The following CSMD3 variants were observed in gnomAD, a reference collection of about 807,000 sequenced individuals.
The protein encoded by CSMD3 is CUB and sushi domain-containing protein 3.
A neutral mutation model predicts 435.2 loss-of-function variants in CSMD3; 177 were observed. That is an observed-to-expected ratio of 0.41 (90% CI 0.36 to 0.46). CSMD3 has a LOEUF of 0.46. Among genes scored for constraint, CSMD3 ranks in the 20% least tolerant of loss-of-function variants. The pLI is 0.34. For synonymous variants in CSMD3, 1,656 were observed against 1,520.5 expected (o/e 1.09, Z -2.07); for missense variants, 4,265 against 4,504.6 (o/e 0.95, Z 1.52).
Position 113,086,095 on chromosome 8 carries a change from A to C in CSMD3, c.917+12661T>G, listed in dbSNP as rs530668948. The stretch of plus-strand genomic sequence containing the variant: ...TACTAAAAATAAACACACACACACA[A>C]AAATTAGCCAGGCGTGGGTGGCGGG... On this transcript the variant is annotated intron_variant, in intron 5 of 70. Transcript: ENST00000297405. Among the ~76,000 whole-genome samples, 933 of 151,970 alleles carry C rather than the reference A, an allele frequency of 6.1e-3. 6 individuals are homozygous for C. Among genetic ancestry groups the C allele is most frequent in the African/African-American group, 0.019 (798 of 41,414 alleles).
At position 112,409,028 on chromosome 8, in the gene CSMD3, C is replaced by T; in HGVS notation, c.5400G>A (p.Val1800=). 1 of 1,613,322 alleles carries T rather than the reference C, an allele frequency of 6.2e-7. No individual in the cohort carries two copies. Among genetic ancestry groups the T allele is most frequent in the Non-Finnish European group, 8.5e-7 (1 of 1,179,548 alleles). The change falls in exon 33 of 71, where the codon GTG becomes GTA. Residue 1800 remains valine, a synonymous_variant. Coordinates refer to ENST00000297405, the MANE Select transcript of CSMD3 (RefSeq NM_198123.2). ...YSIAVPKEFV[V]FGQFVFFQTS... ...TCTGGAAAAATACAAACTGGCCAAA[C>T]ACCACTGATCAACAGGAACCCGGAG...
intron 53 of CSMD3, among the ~76,000 whole-genome samples, chr8:112,299,486 G>A (rs188519880): frequency 2.2e-4 from 33 of 152,092 alleles, no homozygotes; most frequent in African/African-American, 7.9e-4. Flanking sequence ...TAAATTAATG[G>A]ATTGATGGAG....
chr8:113,297,803 T>C (rs550294590), intron 2 of CSMD3, among the ~76,000 whole-genome samples: 8 of 152,254 alleles, frequency 5.3e-5, no homozygotes, highest in Middle Eastern at 3.4e-3. Flanking sequence ...CAAACAACTA[T>C]AGACGTTTTA....
At chr8:113,257,594 A>T (rs570313772) in intron 3 of CSMD3, among the ~76,000 whole-genome samples, 1 of 152,132 alleles carries the variant, frequency 6.6e-6, no homozygotes, top group Non-Finnish European at 1.5e-5. Context: ...TATCCTTTAT[A>T]GGAAAGGAGA....
At chr8:112,473,459 AAAG>A (rs1389972908) in intron 31 of CSMD3, among the ~76,000 whole-genome samples, 1 of 152,170 alleles carries the variant, frequency 6.6e-6, no homozygotes, top group African/African-American at 2.4e-5. Flanking sequence ...ATCACTCTGA[AAAG>A]TATGTAGAAT....
chr8:112,591,136 T>C (rs1185960491), intron 22 of CSMD3, among the ~76,000 whole-genome samples: 1 of 152,146 alleles, frequency 6.6e-6, no homozygotes, highest in Non-Finnish European at 1.5e-5. Context: ...ATTTCCAGTG[T>C]ACACATTGTA....
intron 38 of CSMD3, among the ~76,000 whole-genome samples, chr8:112,379,884 G>A (rs1436653509): frequency 6.6e-6 from 1 of 152,132 alleles, no homozygotes; most frequent in Non-Finnish European, 1.5e-5. Flanking sequence ...AATCACAGGA[G>A]GATAAATACT....
At chr8:112,584,262 T>A (rs1213919117) in intron 23 of CSMD3, among the ~76,000 whole-genome samples, 1 of 151,718 alleles carries the variant, frequency 6.6e-6, no homozygotes, top group Non-Finnish European at 1.5e-5. Flanking sequence ...GAGAGCTTTA[T>A]AAAAATCCAA....
At chr8:112,878,306 A>T (rs554476836) in intron 10 of CSMD3, among the ~76,000 whole-genome samples, 3 of 152,308 alleles carry the variant, frequency 2.0e-5, no homozygotes, top group Non-Finnish European at 4.4e-5. Context: ...GCCAACAAAC[A>T]TATTGAAAAA....
chr8:112,437,067 A>G (rs893515384), intron 32 of CSMD3, among the ~76,000 whole-genome samples: 2 of 152,030 alleles, frequency 1.3e-5, no homozygotes, highest in African/African-American at 4.8e-5. Context: ...TTTTTACCAT[A>G]CCCTAATGAA....
chr8:112,747,186 T>A (rs1456658633), intron 13 of CSMD3, among the ~76,000 whole-genome samples: 1 of 49,820 alleles, frequency 2.0e-5, no homozygotes, highest in African/African-American at 5.9e-5. Context: ...CACTTCCCTT[T>A]TTTTTTTTTT....
chr8:112,533,174 A>C (rs1188118538), intron 27 of CSMD3, among the ~76,000 whole-genome samples: 1 of 152,056 alleles, frequency 6.6e-6, no homozygotes, highest in East Asian at 1.9e-4. Context: ...TGGTTAAGAA[A>C]ATCACTTAAC....
At chr8:113,026,319 G>A (rs4876504) in intron 5 of CSMD3, among the ~76,000 whole-genome samples, 5 of 152,120 alleles carry the variant, frequency 3.3e-5, no homozygotes, top group African/African-American at 7.2e-5. Flanking sequence ...CTTCCATTCT[G>A]GGTTTCTGTG....
intron 7 of CSMD3, among the ~76,000 whole-genome samples, chr8:112,970,145 C>G (rs2084590856): frequency 6.6e-6 from 1 of 151,610 alleles, no homozygotes; most frequent in South Asian, 2.1e-4. Context: ...ATAGATAATT[C>G]TAGAAATCCA....
At chr8:113,308,739 T>C (rs2093843380) in intron 2 of CSMD3, among the ~76,000 whole-genome samples, 1 of 152,192 alleles carries the variant, frequency 6.6e-6, no homozygotes, top group Non-Finnish European at 1.5e-5. Context: ...TTTAATGGCA[T>C]AGAAGTTATA....
chr8:113,207,506 C>T (rs1274993345), intron 3 of CSMD3, among the ~76,000 whole-genome samples: 1 of 151,820 alleles, frequency 6.6e-6, no homozygotes, highest in African/African-American at 2.4e-5. Flanking sequence ...CCTCAGCCTC[C>T]CAAGTAGCTG....
intron 4 of CSMD3, among the ~76,000 whole-genome samples, chr8:113,134,170 A>G (rs768782975): frequency 3.3e-5 from 5 of 152,144 alleles, no homozygotes; most frequent in Non-Finnish European, 7.4e-5. Context: ...TCAAATACCA[A>G]AATACTTTTC....
At chr8:113,209,632 C>G (rs182674160) in intron 3 of CSMD3, among the ~76,000 whole-genome samples, 1 of 151,984 alleles carries the variant, frequency 6.6e-6, no homozygotes, top group Non-Finnish European at 1.5e-5. Flanking sequence ...GGGGAGAAAA[C>G]GAAATACGTG....
chr8:112,252,009 G>C (rs1342953992), intron 63 of CSMD3, among the ~76,000 whole-genome samples: 1 of 151,830 alleles, frequency 6.6e-6, no homozygotes, highest in Non-Finnish European at 1.5e-5. Context: ...TATTTTGTAT[G>C]TTAATAATTA....
Sources: gnomAD v4.1 joint callset for allele counts (sites outside exome capture counted in the v4.1 genomes callset) on GRCh38, gnomAD v4.1.1 for gene constraint, MANE v1.5 for transcripts, NCBI Gene and HGNC (gene_info 2026-07-23, HGNC 2026-07-21) for gene names.